Variants in PIGL observed in about 807,000 individuals in gnomAD.
PIGL encodes N-acetylglucosaminyl-phosphatidylinositol de-N-acetylase.
A neutral mutation model predicts 31.1 loss-of-function variants in PIGL; 22 were observed. The observed-to-expected ratio is 0.71, with a 90% confidence interval of 0.51 to 1.01. PIGL has a LOEUF of 1.01. PIGL is among the 50% of genes least tolerant of loss of function. PIGL has a pLI of 0.00. For missense variants in PIGL, 302 were observed against 315.9 expected (o/e 0.96, Z 0.33); for synonymous variants, 131 against 117.4 (o/e 1.12, Z -0.75).
intron 2 of PIGL, chr17:16,282,091 G>T (rs199598224): frequency 2.0e-6 from 1 of 508,620 alleles, no homozygotes; most frequent in Non-Finnish European, 4.1e-6. Flanking sequence ...ACTGCCTTTC[G>T]AGAATAATTC....
intron 2 of PIGL, among the ~76,000 whole-genome samples, chr17:16,295,588 G>A (rs2092978296): frequency 6.6e-6 from 1 of 151,890 alleles, no homozygotes; most frequent in Non-Finnish European, 1.5e-5. Flanking sequence ...CAAGGCTCCA[G>A]TGAGCTGTGA....
At chr17:16,225,158 A>G (rs906867184) in intron 1 of PIGL, among the ~76,000 whole-genome samples, 1 of 152,112 alleles carries the variant, frequency 6.6e-6, no homozygotes, top group Non-Finnish European at 1.5e-5. Flanking sequence ...GTGTCCATTA[A>G]TCTGTTCTTA....
At chr17:16,288,819 G>A (rs191479659) in intron 2 of PIGL, among the ~76,000 whole-genome samples, 321 of 152,336 alleles carry the variant, frequency 2.1e-3, no homozygotes, top group Middle Eastern at 6.8e-3. Context: ...GATTACAGGC[G>A]TGAGCCACCA....
chr17:16,311,137 A>T (rs1177902714), intron 3 of PIGL, among the ~76,000 whole-genome samples: 1 of 152,102 alleles, frequency 6.6e-6, no homozygotes, highest in Admixed American at 6.6e-5. Flanking sequence ...TCCTTCATCC[A>T]TGCAGGATGG....
At chr17:16,325,332 C>CAAAAAAAAAAAAAAA (rs55958956) in intron 6 of PIGL, among the ~76,000 whole-genome samples, 1 of 69,280 alleles carries the variant, frequency 1.4e-5, no homozygotes, top group Non-Finnish European at 2.7e-5. Flanking sequence ...GCAACAGGCT[C>CAAAAAAAAAAAAAAA]AAAAAAAAAA....
chr17:16,229,076 G>A (rs2092666715), intron 1 of PIGL, among the ~76,000 whole-genome samples: 1 of 152,036 alleles, frequency 6.6e-6, no homozygotes, highest in Admixed American at 6.6e-5. Flanking sequence ...TTCAAGACCA[G>A]TCTGGACAAC....
intron 3 of PIGL, among the ~76,000 whole-genome samples, chr17:16,301,930 G>A (rs1189189707): frequency 6.6e-6 from 1 of 151,690 alleles, no homozygotes; most frequent in African/African-American, 2.4e-5. Flanking sequence ...CCATCTCCTG[G>A]GCTCAAGCTG....
At chr17:16,274,942 G>T (rs1479248885) in intron 2 of PIGL, among the ~76,000 whole-genome samples, 1 of 151,442 alleles carries the variant, frequency 6.6e-6, no homozygotes, top group African/African-American at 2.4e-5. Context: ...TGGGGCAGGA[G>T]AATGGCTGGA....
At chr17:16,275,040 A>T (rs1056999469) in intron 2 of PIGL, among the ~76,000 whole-genome samples, 3 of 152,130 alleles carry the variant, frequency 2.0e-5, no homozygotes, top group African/African-American at 7.2e-5. Context: ...TCAAAAAAAA[A>T]AAAAGAAAAG....
rs189390947 is a variant in PIGL, at chr17:16,274,585, T to C, written c.336-25303T>C. ...TAAAAATACTAAAATTAGCCGGGCG[T>C]GGTGGCAGCCACCTGTAATCTCAGC... On this transcript the variant is annotated intron_variant, in intron 2 of 6. Transcript: ENST00000225609. Among the ~76,000 whole-genome samples the C allele has an allele frequency of 3.1e-3, 468 of 151,588 alleles. 5 individuals are homozygous for C. Among genetic ancestry groups the C allele is most frequent in the African/African-American group, 0.01 (431 of 41,270 alleles).
Position 16,252,409 on chromosome 17 carries a change from G to A in PIGL, c.335+18339G>A, listed in dbSNP as rs1350998414. On this transcript the variant is annotated intron_variant, in intron 2 of 6. Coordinates refer to ENST00000225609, the MANE Select transcript of PIGL (RefSeq NM_004278.4). ...TTAAATAGAACTAAGACAAGACTTA[G>A]GTAGTATGCACAGATAATTTCTAAA... 8.6e-5 allele frequency among the ~76,000 whole-genome samples: 13 copies of A among 151,862 alleles called. No homozygotes were observed. The East Asian group carries it at 2.5e-3, about 29-fold the overall frequency.
chr17:16,290,742 G>C (rs2092957006), intron 2 of PIGL, among the ~76,000 whole-genome samples: 3 of 151,816 alleles, frequency 2.0e-5, no homozygotes, highest in African/African-American at 7.3e-5. Context: ...GTACAGTGGT[G>C]CGATCACAGC....
chr17:16,282,410 TG>T (rs1205282434), intron 2 of PIGL, among the ~76,000 whole-genome samples: 1 of 152,148 alleles, frequency 6.6e-6, no homozygotes, highest in Non-Finnish European at 1.5e-5. Flanking sequence ...ATAATTGGTC[TG>T]TTTTTTTTTC....
chr17:16,309,395 AG>A (rs1207872474), intron 3 of PIGL, among the ~76,000 whole-genome samples: 3 of 152,270 alleles, frequency 2.0e-5, no homozygotes, highest in Admixed American at 6.5e-5. Context: ...AAGCATGAAA[AG>A]CATCGTTTTT....
rs995505110 is a variant in PIGL at position 16,240,891 on chromosome 17, G to A, written c.335+6821G>A. On this transcript the variant is annotated intron_variant, in intron 2 of 6. Transcript: ENST00000225609. ...TGGGAGGCCGAGGGGGTGGGGGGCA[G>A]ATCACCTGAGGTCGGGAGTTCGAGA... Among the ~76,000 whole-genome samples the A allele has an allele frequency of 6.6e-5, 10 of 151,494 alleles. No homozygotes were observed. The East Asian group carries it at 1.8e-3, about 27-fold the overall frequency.
chr17:16,289,143 GA>G (rs1389668030), intron 2 of PIGL, among the ~76,000 whole-genome samples: 2 of 152,200 alleles, frequency 1.3e-5, no homozygotes, highest in Non-Finnish European at 2.9e-5. Flanking sequence ...GATGTAAAGT[GA>G]TGGAGTGCAA....
At chr17:16,240,265 T>G in intron 2 of PIGL, among the ~76,000 whole-genome samples, 1 of 152,076 alleles carries the variant, frequency 6.6e-6, no homozygotes. Flanking sequence ...TCCTCAAAAG[T>G]GGAAACTGCT....
chr17:16,260,083 G>A (rs1462339956), intron 2 of PIGL, among the ~76,000 whole-genome samples: 2 of 152,196 alleles, frequency 1.3e-5, no homozygotes, highest in African/African-American at 2.4e-5. Flanking sequence ...GGCCCTCTCT[G>A]GGCTTTGGGC....
intron 2 of PIGL, among the ~76,000 whole-genome samples, chr17:16,262,288 G>A (rs2092822483): frequency 6.6e-6 from 1 of 152,148 alleles, no homozygotes; most frequent in African/African-American, 2.4e-5. Context: ...CTCCAAAGAA[G>A]GTATCAAATG....
Sources: allele counts gnomAD v4.1 joint callset (sites outside exome capture counted in the v4.1 genomes callset), GRCh38; gene constraint gnomAD v4.1.1; transcripts MANE v1.5; gene names NCBI Gene and HGNC (gene_info 2026-07-23, HGNC 2026-07-21).